The following MDN1 variants were observed in gnomAD, a reference collection of about 807,000 sequenced individuals.
MDN1 encodes the protein midasin AAA ATPase 1.
A neutral mutation model predicts 669.2 loss-of-function variants in MDN1; 266 were observed. The observed-to-expected ratio is 0.40, with a 90% CI of 0.36 to 0.44. The LOEUF (loss-of-function observed/expected upper bound fraction) is 0.44. Ranked by LOEUF, MDN1 falls within the 20% of genes least tolerant of loss-of-function variation. MDN1 has a pLI of 1.00. For synonymous variants in MDN1, 2,385 were observed against 2,457.1 expected (o/e 0.97, Z 0.87); for missense variants, 5,940 against 6,754.0 (o/e 0.88, Z 4.22).
intron 11 of MDN1, among the ~76,000 whole-genome samples, chr6:89,778,887 A>AAAATAAATAAAT (rs548314772): frequency 0.013 from 1,698 of 130,282 alleles, 18 homozygotes; most frequent in Non-Finnish European, 0.022. Context: ...CTATGTCTCA[A>AAAATAAATAAAT]AAATAAATAA....
chr6:89,809,530 C>A lies in MDN1; in HGVS notation c.103-5976G>T, dbSNP rs1428145424. On this transcript the variant is annotated intron_variant, in intron 1 of 101. Coordinates refer to ENST00000369393, the MANE Select transcript of MDN1 (RefSeq NM_014611.3). ...GTGGCTCACTCTTGTAATCCCAGAA[C>A]TTTGGGAGGCCAAGGCGGGTGGATT... is the stretch of plus-strand genomic sequence containing the variant. Among the ~76,000 whole-genome samples the A allele has an allele frequency of 4.6e-5, 7 of 151,996 alleles. No individual in the cohort carries two copies. The South Asian group carries it at 8.3e-4, about 18-fold the overall frequency.
chr6:89,679,409 T>C (rs1811448876), intron 74 of MDN1, among the ~76,000 whole-genome samples: 1 of 152,214 alleles, frequency 6.6e-6, no homozygotes, highest in Non-Finnish European at 1.5e-5. Context: ...CGCCTCCCTG[T>C]TGCAGGCAGT....
chr6:89,765,687 AAC>A (rs1817774003), intron 15 of MDN1, among the ~76,000 whole-genome samples: 1 of 152,274 alleles, frequency 6.6e-6, no homozygotes, highest in East Asian at 1.9e-4. Flanking sequence ...AATGGTTAAG[AAC>A]ACAGACACTC....
At position 89,771,597 on chromosome 6, in the gene MDN1, A is replaced by G. The variant is rs750474757; in HGVS notation, c.2108T>C (p.Met703Thr). ...GTCTGCAGTATCACTTTGTTGATTCATATTGACAACCCTCAAACGGTGGCC... is the reference window on the plus strand; with the variant it reads ...GTCTGCAGTATCACTTTGTTGATTCGTATTGACAACCCTCAAACGGTGGCC... ...ITGHRLRVVNMNQQSDTADLL... is the reference protein window; with the variant it reads ...ITGHRLRVVNTNQQSDTADLL... The change falls in exon 15 of 102, where the codon ATG becomes ACG. Residue 703 changes from methionine to threonine, a missense_variant. By Grantham distance (81) the Met-to-Thr change is moderately conservative. This residue lies in a region of MDN1 where 1,203 missense variants were observed against 1,268.9 expected (regional missense o/e 0.95). Coordinates refer to ENST00000369393, the MANE Select transcript of MDN1 (RefSeq NM_014611.3). 5.6e-6 allele frequency: 9 copies of G among 1,614,054 alleles called. No individual in the cohort carries two copies. Among genetic ancestry groups the G allele is most frequent in the Non-Finnish European group, 7.6e-6 (9 of 1,179,960 alleles).
chr6:89,723,330 A>G, intron 39 of MDN1, among the ~76,000 whole-genome samples, 182 bp downstream of exon 39: 1 of 152,230 alleles, frequency 6.6e-6, no homozygotes, highest in Admixed American at 6.5e-5. Flanking sequence ...TGGTAGTCAC[A>G]ATACAGAAAT....
intron 22 of MDN1, 139 bp downstream of exon 22, chr6:89,753,373 T>A: frequency 1.6e-6 from 1 of 623,976 alleles, no homozygotes. Flanking sequence ...TAAACATATG[T>A]TTCTGTAATG....
intron 1 of MDN1, among the ~76,000 whole-genome samples, chr6:89,813,868 CAGGAGTTTGAGACCAGCCT>C (rs1463916221): frequency 1.3e-5 from 2 of 151,084 alleles, no homozygotes; most frequent in African/African-American, 4.9e-5. Context: ...TGCTTGAGCC[CAGGAGTTTGAGACCAGCCT>C]AGGCAACACA....
At chr6:89,776,456 G>T in intron 12 of MDN1, 144 bp downstream of exon 12, 1 of 602,306 alleles carries the variant, frequency 1.7e-6, no homozygotes, top group Non-Finnish European at 2.9e-6. Flanking sequence ...GTATGCCCAC[G>T]AGAGGCTGCA....
chr6:89,772,827 C>A, intron 13 of MDN1, 106 bp from the exon 14 acceptor site: 5 of 1,215,590 alleles, frequency 4.1e-6, no homozygotes, highest in African/African-American at 1.5e-5. Context: ...GAGAAAACAG[C>A]TCACAGTAAC....
chr6:89,678,842 C>G, intron 74 of MDN1, 97 bp from the exon 75 acceptor site: 1 of 1,292,426 alleles, frequency 7.7e-7, no homozygotes, highest in Non-Finnish European at 1.1e-6. Flanking sequence ...TTCTGGAGAA[C>G]AAAGGCCAAG....
rs1213469690 is a variant in MDN1, at chr6:89,751,380, A to G, written c.3227+51T>C. On this transcript the variant is annotated intron_variant, in intron 23 of 101. Transcript: ENST00000369393. ...AAGGAAGTTAGACCAAAATGTCATCAATGCCTATGCCTGTATCAAGTTCGG... is the reference window on the plus strand; with the variant it reads ...AAGGAAGTTAGACCAAAATGTCATCGATGCCTATGCCTGTATCAAGTTCGG... 3.1e-6 allele frequency: 5 copies of G among 1,602,900 alleles called. No homozygotes were observed. The Admixed American group carries it at 8.5e-5, about 27-fold the overall frequency.
intron 73 of MDN1, among the ~76,000 whole-genome samples, chr6:89,681,313 G>C (rs1034838552): frequency 1.3e-4 from 20 of 152,022 alleles, no homozygotes; most frequent in African/African-American, 4.8e-4. Flanking sequence ...AGCTGGGATT[G>C]CAGGCATGCA....
intron 95 of MDN1, 59 bp from the exon 96 acceptor site, chr6:89,650,906 A>T: frequency 7.2e-7 from 1 of 1,397,722 alleles, no homozygotes; most frequent in Non-Finnish European, 1.0e-6. Context: ...CAAGTCTTCT[A>T]GCAAGATGCA....
At position 89,743,146 on chromosome 6, in the gene MDN1, G is replaced by A. The variant is rs79585751; in HGVS notation, c.4448+4C>T. On this transcript the variant is annotated splice_donor_region_variant and intron_variant, in intron 31 of 101. Transcript: ENST00000369393. Reference sequence around the variant, plus strand: ...AACACAAGGCAAACCTCTCAGGCACGTACCTGTTGAGTCTTTCCAAGACAG... The same window carrying A: ...AACACAAGGCAAACCTCTCAGGCACATACCTGTTGAGTCTTTCCAAGACAG... The A allele has an allele frequency of 0.01, 16,572 of 1,613,622 alleles. 260 individuals carry two copies. The highest frequency in any genetic ancestry group is 0.066 in the Admixed American group (3,977 of 59,918).
intron 34 of MDN1, 27 bp from the exon 35 acceptor site, chr6:89,730,950 A>T: frequency 1.2e-6 from 2 of 1,603,268 alleles, no homozygotes; most frequent in Non-Finnish European, 1.7e-6. Flanking sequence ...CAGTCCATGA[A>T]GCAACAGTAC....
chr6:89,796,882 A>T (rs1024740018), intron 2 of MDN1, among the ~76,000 whole-genome samples: 2 of 151,800 alleles, frequency 1.3e-5, no homozygotes, highest in Admixed American at 6.6e-5. Context: ...CAGCCTGACC[A>T]ACATGGAGAA....
At chr6:89,798,289 G>T (rs944419094) in intron 2 of MDN1, among the ~76,000 whole-genome samples, 1 of 151,982 alleles carries the variant, frequency 6.6e-6, no homozygotes, top group Non-Finnish European at 1.5e-5. Context: ...CGAGACAGGT[G>T]GATCACCTGA....
At chr6:89,764,824 T>C (rs1194641614) in intron 15 of MDN1, among the ~76,000 whole-genome samples, 1 of 152,182 alleles carries the variant, frequency 6.6e-6, no homozygotes, top group Non-Finnish European at 1.5e-5. Context: ...TGTCAGATTA[T>C]GAAGGGCTAT....
chr6:89,733,930 A>C (rs1445825293), intron 33 of MDN1, among the ~76,000 whole-genome samples: 2 of 152,200 alleles, frequency 1.3e-5, no homozygotes, highest in Non-Finnish European at 2.9e-5. Flanking sequence ...CCTGTGAAAA[A>C]TGTAATAAAA....
Sources: gnomAD v4.1 joint callset for allele counts (sites outside exome capture counted in the v4.1 genomes callset) on GRCh38, gnomAD v4.1.1 for gene constraint, gnomAD v4.1.1 regional missense constraint, MANE v1.5 for transcripts, NCBI Gene and HGNC (gene_info 2026-07-23, HGNC 2026-07-21) for gene names.